The following TOX4 variants were observed in gnomAD, a reference collection of about 807,000 sequenced individuals.
TOX4 encodes epidermal Langerhans cell protein LCP1.
A neutral mutation model predicts 61.0 loss-of-function variants in TOX4; 12 were observed. The observed-to-expected ratio is 0.20, with a 90% confidence interval of 0.13 to 0.32. The LOEUF (loss-of-function observed/expected upper bound fraction) is 0.32, where lower values mean the gene tolerates loss of function less well. Among genes scored for constraint, TOX4 ranks in the 10% least tolerant of loss-of-function variants. The pLI is 1.00. For synonymous variants in TOX4, 268 were observed against 274.8 expected (o/e 0.98, Z 0.24); for missense variants, 499 against 753.3 (o/e 0.66, Z 3.95).
At chr14:21,489,817 G>A (rs576880049) in intron 5 of TOX4, among the ~76,000 whole-genome samples, 85 of 152,024 alleles carry the variant, frequency 5.6e-4, no homozygotes, top group Middle Eastern at 3.4e-3. Flanking sequence ...TCCTGACCTC[G>A]TGATCCACCC....
chr14:21,490,456 CAA>C (rs1340466614), intron 5 of TOX4, among the ~76,000 whole-genome samples: 1 of 152,174 alleles, frequency 6.6e-6, no homozygotes, highest in Non-Finnish European at 1.5e-5. Context: ...GCCTGGGCAA[CAA>C]GAGTGAAACT....
At chr14:21,478,276 T>A (rs1035502328) in intron 2 of TOX4, among the ~76,000 whole-genome samples, 6 of 152,364 alleles carry the variant, frequency 3.9e-5, no homozygotes, top group Non-Finnish European at 8.8e-5. Context: ...TGGTTACCTT[T>A]ACCTACATGG....
chr14:21,477,261 GGGA>G lies in TOX4; in HGVS notation c.-16_-14del, dbSNP rs1358804571. On this transcript the variant is annotated 5_prime_UTR_variant, in exon 1 of 9. Coordinates refer to ENST00000448790, the MANE Select transcript of TOX4 (RefSeq NM_014828.4). ...GGGAGCGATGAGGGTCTGAGACGGT[GGGA>G]GCGGTTGTGTGAAGATGGAGGTAGG... 4 of 1,614,124 alleles carry G rather than the reference GGGA, an allele frequency of 2.5e-6. No homozygotes were observed. The South Asian group carries it at 3.3e-5, about 13-fold the overall frequency.
At chr14:21,477,712 A>G in intron 2 of TOX4, 148 bp downstream of exon 2, 1 of 804,482 alleles carries the variant, frequency 1.2e-6, no homozygotes, top group Non-Finnish European at 2.0e-6. Flanking sequence ...TTGCTTCTAG[A>G]GCCTGTGGGG....
chr14:21,496,518 T>C lies in TOX4; in HGVS notation c.1806-28T>C, dbSNP rs200896532. Reference sequence around the variant, plus strand: ...TTCTATTTCAGTTTGTGTATAATTCTGTTTGTGTATGTCTTTTTCTCTCTT... The same window carrying C: ...TTCTATTTCAGTTTGTGTATAATTCCGTTTGTGTATGTCTTTTTCTCTCTT... On this transcript the variant is annotated intron_variant, in intron 8 of 8. Transcript: ENST00000448790. 13 of 1,596,722 alleles carry C rather than the reference T, an allele frequency of 8.1e-6. No individual in the cohort carries two copies. The East Asian group carries it at 2.7e-4, about 33-fold the overall frequency.
chr14:21,484,550 A>G (rs549640647), intron 2 of TOX4, among the ~76,000 whole-genome samples: 1 of 103,048 alleles, frequency 9.7e-6, no homozygotes, highest in East Asian at 3.7e-4. Context: ...GATTTTCGCC[A>G]TGTTGGCCAG....
intron 4 of TOX4, 71 bp downstream of exon 4, chr14:21,488,921 A>T: frequency 6.3e-7 from 1 of 1,578,948 alleles, no homozygotes; most frequent in Non-Finnish European, 8.6e-7. Flanking sequence ...TACAGAGCCT[A>T]ATCAGTATTC....
At chr14:21,487,931 T>C (rs2139623669) in intron 3 of TOX4, 2 of 434,010 alleles carry the variant, frequency 4.6e-6, no homozygotes, top group Non-Finnish European at 7.5e-6. Flanking sequence ...TTATTGTGGT[T>C]TTTGGGAAAA....
At position 21,492,467 on chromosome 14, in the gene TOX4, GTGAT is replaced by G. The variant is rs781776985; in HGVS notation, c.892-35_892-32del. ...AGTTTTAAGAAGTAAATACCACCAA[GTGAT>G]TGATTAATTGATAGATTGATTTATG... On this transcript the variant is annotated intron_variant, in intron 6 of 8. Transcript: ENST00000448790. 5.6e-6 allele frequency: 9 copies of G among 1,610,902 alleles called. No individual in the cohort carries two copies. The Admixed American group carries it at 6.7e-5, about 12-fold the overall frequency.
intron 8 of TOX4, 66 bp downstream of exon 8, chr14:21,495,458 C>G: frequency 6.5e-7 from 1 of 1,541,060 alleles, no homozygotes; most frequent in South Asian, 1.2e-5. Flanking sequence ...ACATAGGAAT[C>G]TTGAGCATAA....
chr14:21,477,231 GCGGTGGGAGCGATGAGGGTCTGAGA>G lies in TOX4; in HGVS notation c.-36_-12del, dbSNP rs754779755. On this transcript the variant is annotated 5_prime_UTR_variant, in exon 1 of 9. It removes an upstream start codon present in the reference 5' UTR. Coordinates refer to ENST00000448790, the MANE Select transcript of TOX4 (RefSeq NM_014828.4). ...GACGGCAGTTCCGAGTCCAGTGGGG[GCGGTGGGAGCGATGAGGGTCTGAGA>G]CGGTGGGAGCGGTTGTGTGAAGATG... 36 of 1,614,014 alleles carry G rather than the reference GCGGTGGGAGCGATGAGGGTCTGAGA, an allele frequency of 2.2e-5. No individual in the cohort carries two copies. In the Admixed American group the frequency reaches 3.7e-4, roughly 16 times the overall value.
chr14:21,488,422 T>C lies in TOX4; in HGVS notation c.319-168T>C, dbSNP rs1891226519. On this transcript the variant is annotated intron_variant, in intron 3 of 8. Coordinates refer to ENST00000448790, the MANE Select transcript of TOX4 (RefSeq NM_014828.4). ...AGTAAATTCATTAATTTCTGTACTT[T>C]TTTAAAAAGCTTATTTTTTTATTTT... The C allele has an allele frequency of 1.2e-5, 9 of 735,204 alleles. No individual in the cohort carries two copies. In the South Asian group the frequency reaches 1.9e-4, roughly 16 times the overall value. 45.5% of individuals were successfully genotyped at this position (735,204 alleles called of 1,614,324 possible).
intron 2 of TOX4, among the ~76,000 whole-genome samples, chr14:21,482,979 T>G (rs546307841): frequency 6.6e-6 from 1 of 152,292 alleles, no homozygotes; most frequent in South Asian, 2.1e-4. Context: ...ATAACAAAGC[T>G]TTTACACATC....
rs1026737797 is a variant in TOX4, at chr14:21,477,213, G to T, written c.-66G>T. ...ACACGTCCTTGCGGAAGTGACGGCA[G>T]TTCCGAGTCCAGTGGGGGCGGTGGG... On this transcript the variant is annotated 5_prime_UTR_variant, in exon 1 of 9. Transcript: ENST00000448790. 2 of 1,613,736 alleles carry T rather than the reference G, an allele frequency of 1.2e-6. No homozygotes were observed. The highest frequency in any genetic ancestry group is 1.6e-4 in the Middle Eastern group (1 of 6,082).
chr14:21,498,601 TTAGCC>T lies in TOX4; in HGVS notation c.*1996_*2000del. ...TTATCTGAGGGTTAGTAACTAATGC[TTAGCC>T]AGGCCTGCTTCACAGAGTTGCTACC... On this transcript the variant is annotated 3_prime_UTR_variant, in exon 9 of 9. Transcript: ENST00000448790. The T allele has an allele frequency of 1.8e-6, 1 of 556,952 alleles. No individual in the cohort carries two copies. 34.5% of individuals were successfully genotyped at this position (556,952 alleles called of 1,614,324 possible). A position where few individuals can be genotyped will look rare whatever the true frequency, so the allele number is the denominator to read the frequency against.
rs758826518 is a variant in TOX4, at chr14:21,498,759, A to G, written c.*2153A>G. 267 of 487,652 alleles carry G rather than the reference A, an allele frequency of 5.5e-4. No individual in the cohort carries two copies. The highest frequency in any genetic ancestry group is 8.1e-4 in the Non-Finnish European group (223 of 273,918). 30.2% of individuals were successfully genotyped at this position (487,652 alleles called of 1,614,324 possible). A position where few individuals can be genotyped will look rare whatever the true frequency, so the allele number is the denominator to read the frequency against. On this transcript the variant is annotated 3_prime_UTR_variant, in exon 9 of 9. Transcript: ENST00000448790. ...AACCACCAGGGGGCAGATTCAATAC[A>G]TCACAGAATGGCTGAGGAAGATCCT...
At chr14:21,494,574 C>T (rs540468754) in intron 7 of TOX4, among the ~76,000 whole-genome samples, 1 of 152,114 alleles carries the variant, frequency 6.6e-6, no homozygotes, top group Non-Finnish European at 1.5e-5. Context: ...GGTGAAAACC[C>T]GTCTCTACTA....
chr14:21,492,147 G>A (rs1188784675), intron 5 of TOX4, 149 bp from the exon 6 acceptor site: 2 of 743,298 alleles, frequency 2.7e-6, no homozygotes, highest in East Asian at 2.7e-5. Flanking sequence ...TGTCTTGACT[G>A]TTAGCTTTCA....
In TOX4 at chr14:21,498,688, A is replaced by G. The variant is rs940077564; in HGVS notation, c.*2082A>G. ...GCAGCATGTGTTTTAAGCTCTGTTA[A>G]GGGGTGAAAGATGTAATTATTGACA... On this transcript the variant is annotated 3_prime_UTR_variant, in exon 9 of 9. Transcript: ENST00000448790. The G allele has an allele frequency of 6.3e-6, 3 of 474,126 alleles. No homozygotes were observed. The highest frequency in any genetic ancestry group is 1.1e-5 in the Non-Finnish European group (3 of 265,064). 29.4% of individuals were successfully genotyped at this position (474,126 alleles called of 1,614,324 possible). A position where few individuals can be genotyped will look rare whatever the true frequency, so the allele number is the denominator to read the frequency against.
Sources: allele counts gnomAD v4.1 joint callset (sites outside exome capture counted in the v4.1 genomes callset), GRCh38; gene constraint gnomAD v4.1.1; transcripts MANE v1.5; gene names NCBI Gene and HGNC (gene_info 2026-07-23, HGNC 2026-07-21).